DTNA: variants seen among roughly 807,000 people sequenced by gnomAD.
DTNA encodes dystrobrevin alpha.
DTNA carries 43 observed loss-of-function variants against 100.7 expected under a neutral mutation model. That is an observed-to-expected ratio of 0.43 (90% CI 0.33 to 0.55). The LOEUF is 0.55. DTNA is among the 20% of genes least tolerant of loss of function. DTNA has a pLI of 0.04. For missense variants in DTNA, 798 were observed against 953.9 expected, an observed-to-expected ratio of 0.84 and a Z score of 2.15; for synonymous variants, 349 against 347.9, an observed-to-expected ratio of 1.00 and a Z score of -0.04.
intron 4 of DTNA, among the ~76,000 whole-genome samples, chr18:34,795,529 A>G (rs946121158): frequency 6.6e-6 from 1 of 152,180 alleles, no homozygotes; most frequent in Non-Finnish European, 1.5e-5. Context: ...GTTCCACATG[A>G]CAGGCAGCAG....
chr18:34,829,062 A>T (rs1173546344), intron 10 of DTNA: 2 of 1,614,012 alleles, frequency 1.2e-6, no homozygotes, highest in East Asian at 2.2e-5. Flanking sequence ...CTTTTGGTGG[A>T]TGCGTCTAGA....
At chr18:34,574,980 G>A (rs975065940) in intron 1 of DTNA, among the ~76,000 whole-genome samples, 2 of 152,118 alleles carry the variant, frequency 1.3e-5, no homozygotes, top group Admixed American at 6.6e-5. Context: ...ATGGTAGTCT[G>A]GTTGAACAAG....
chr18:34,603,014 A>G (rs1377439458), intron 1 of DTNA, among the ~76,000 whole-genome samples: 1 of 151,508 alleles, frequency 6.6e-6, no homozygotes, highest in Non-Finnish European at 1.5e-5. Context: ...AAAAAAAAAT[A>G]CAAAATAAAA....
intron 1 of DTNA, among the ~76,000 whole-genome samples, chr18:34,611,608 G>A (rs1599029379): frequency 6.6e-6 from 1 of 152,050 alleles, no homozygotes; most frequent in African/African-American, 2.4e-5. Context: ...AAAGCACCAG[G>A]GGTAAAACTC....
intron 1 of DTNA, among the ~76,000 whole-genome samples, chr18:34,520,002 A>G (rs1215216133): frequency 2.0e-5 from 3 of 152,192 alleles, no homozygotes; most frequent in African/African-American, 7.2e-5. Flanking sequence ...CTGTAGGTAC[A>G]GTTCTAGAAG....
chr18:34,566,755 C>G (rs1398219752), intron 1 of DTNA, among the ~76,000 whole-genome samples: 1 of 152,152 alleles, frequency 6.6e-6, no homozygotes, highest in Admixed American at 6.5e-5. Flanking sequence ...CCTACTGAAT[C>G]CACTATGAAA....
At chr18:34,643,043 G>A (rs1017395861) in intron 1 of DTNA, among the ~76,000 whole-genome samples, 22 of 152,318 alleles carry the variant, frequency 1.4e-4, no homozygotes, top group South Asian at 8.3e-4. Flanking sequence ...ACATCTCTGA[G>A]TATTAGGTAT....
Position 34,890,194 on chromosome 18 carries a change from C to G in DTNA, c.*2460C>G, listed in dbSNP as rs2096957359. 3 of 1,449,028 alleles carry G rather than the reference C, an allele frequency of 2.1e-6. No homozygotes were observed. The highest frequency in any genetic ancestry group is 1.8e-6 in the Non-Finnish European group (2 of 1,106,300). 89.8% of individuals were successfully genotyped at this position (1,449,028 alleles called of 1,614,324 possible). A position where few individuals can be genotyped will look rare whatever the true frequency, so the allele number is the denominator to read the frequency against. On this transcript the variant is annotated 3_prime_UTR_variant, in exon 23 of 23. Transcript: ENST00000444659. ...ATAGCTATTTCATTGCCAACCAACT[C>G]CATCACATGGTTGTTGATATCGTCA...
intron 1 of DTNA, among the ~76,000 whole-genome samples, chr18:34,675,179 A>G (rs184052176): frequency 2.0e-5 from 3 of 152,040 alleles, no homozygotes; most frequent in South Asian, 2.1e-4. Context: ...CAGTAGTCCT[A>G]TGAATTTTCA....
chr18:34,798,659 A>T (rs2095087844), intron 4 of DTNA, among the ~76,000 whole-genome samples: 1 of 152,234 alleles, frequency 6.6e-6, no homozygotes, highest in Admixed American at 6.5e-5. Context: ...TCAGTCACTC[A>T]AAAATCATAG....
chr18:34,852,076 G>C, intron 15 of DTNA, 148 bp downstream of exon 15: 2 of 845,036 alleles, frequency 2.4e-6, no homozygotes, highest in Non-Finnish European at 3.9e-6. Context: ...CTTCCAAAAA[G>C]CTGGTCTTTA....
At chr18:34,798,670 T>C (rs972909694) in intron 4 of DTNA, among the ~76,000 whole-genome samples, 2 of 152,222 alleles carry the variant, frequency 1.3e-5, no homozygotes, top group African/African-American at 2.4e-5. Flanking sequence ...AAAATCATAG[T>C]ATGACAGTTA....
intron 1 of DTNA, among the ~76,000 whole-genome samples, chr18:34,503,526 T>C (rs2040168356): frequency 1.3e-5 from 2 of 151,972 alleles, no homozygotes; most frequent in Admixed American, 1.3e-4. Context: ...CCTCGTGATC[T>C]GCCCACCTCA....
chr18:34,615,609 T>G (rs1250275758), intron 1 of DTNA, among the ~76,000 whole-genome samples: 1 of 152,130 alleles, frequency 6.6e-6, no homozygotes, highest in Non-Finnish European at 1.5e-5. Flanking sequence ...CAAGTTGGTT[T>G]TATAGATACA....
chr18:34,838,007 A>T, intron 11 of DTNA, 87 bp from the exon 12 acceptor site: 1 of 1,161,876 alleles, frequency 8.6e-7, no homozygotes, highest in South Asian at 1.3e-5. Context: ...ACTTGGATCT[A>T]GACTTGGGAG....
chr18:34,701,193 C>T (rs1174966448), intron 1 of DTNA, among the ~76,000 whole-genome samples: 4 of 152,134 alleles, frequency 2.6e-5, no homozygotes, highest in African/African-American at 9.7e-5. Context: ...TCTAAAAACA[C>T]AAAAAGTTGT....
At chr18:34,832,324 T>C (rs990632629) in intron 11 of DTNA, among the ~76,000 whole-genome samples, 1 of 152,258 alleles carries the variant, frequency 6.6e-6, no homozygotes, top group Non-Finnish European at 1.5e-5. Flanking sequence ...CTTTACTTCA[T>C]GTAGTCCCAG....
chr18:34,842,435 A>T (rs934572332), intron 13 of DTNA, among the ~76,000 whole-genome samples: 1 of 152,166 alleles, frequency 6.6e-6, no homozygotes, highest in African/African-American at 2.4e-5. Context: ...ATTAGCTTGC[A>T]TGCTTAGAAC....
intron 4 of DTNA, among the ~76,000 whole-genome samples, chr18:34,802,925 A>G (rs953435288): frequency 1.3e-5 from 2 of 152,302 alleles, no homozygotes; most frequent in South Asian, 2.1e-4. Context: ...CCCCCTCTTT[A>G]AAATTGGACA....
Sources: allele counts gnomAD v4.1 joint callset (sites outside exome capture counted in the v4.1 genomes callset), GRCh38; gene constraint gnomAD v4.1.1; transcripts MANE v1.5; gene names NCBI Gene and HGNC (gene_info 2026-07-23, HGNC 2026-07-21).